Variants in SMAD6 observed in about 807,000 individuals in gnomAD.
SMAD6 encodes SMAD family member 6.
A neutral mutation model predicts 39.4 loss-of-function variants in SMAD6; 103 were observed. That is an observed-to-expected ratio of 2.62 (90% confidence interval 2.23 to 3.08). The LOEUF (loss-of-function observed/expected upper bound fraction) is 3.08, where lower values mean the gene tolerates loss of function less well. Ranked by LOEUF, SMAD6 falls within the 30% of genes most tolerant of loss-of-function variation. The probability of loss-of-function intolerance (pLI) is 0.00; values close to 1 mark genes in which losing one functional copy is unlikely to be tolerated. For synonymous variants in SMAD6, 445 were observed against 353.3 expected (o/e 1.26, Z -2.91); for missense variants, 1,104 against 742.9 (o/e 1.49, Z -5.65).
chr15:66,704,570 G>A (rs1183015695), intron 1 of SMAD6: 1 of 152,968 alleles, frequency 6.5e-6, no homozygotes, highest in Non-Finnish European at 1.5e-5. Context: ...AATCAAAAGT[G>A]TTCGTCAAAT....
At chr15:66,773,845 C>G (rs761389201) in intron 3 of SMAD6, among the ~76,000 whole-genome samples, 11 of 152,184 alleles carry the variant, frequency 7.2e-5, no homozygotes, top group Non-Finnish European at 1.5e-4. Context: ...CTTTGAATAT[C>G]TCTTCTTCGC....
At chr15:66,779,796 C>G (rs543585415) in intron 3 of SMAD6, among the ~76,000 whole-genome samples, 1 of 152,336 alleles carries the variant, frequency 6.6e-6, no homozygotes, top group Admixed American at 6.5e-5. Context: ...CTGCACAGGC[C>G]CAGGCCAGAG....
Position 66,702,933 on chromosome 15 carries a change from T to C in SMAD6, c.-326T>C, listed in dbSNP as rs1387384737. The C allele has an allele frequency of 4.2e-6, 1 of 235,410 alleles. No homozygotes were observed. Among genetic ancestry groups the C allele is most frequent in the Non-Finnish European group, 8.2e-6 (1 of 122,280 alleles). The allele number at this position is 235,410 out of a possible 1,614,324, so 14.6% of individuals were successfully genotyped here. On this transcript the variant is annotated 5_prime_UTR_variant, in exon 1 of 4. Transcript: ENST00000288840. ...GGCTCGCCGGCCCATGTGGGGTCTTTCTGGCGGCGCGCCGCCTGCAGCCCC... is the reference window on the plus strand; with the variant it reads ...GGCTCGCCGGCCCATGTGGGGTCTTCCTGGCGGCGCGCCGCCTGCAGCCCC...
At chr15:66,776,922 A>G (rs1174802457) in intron 3 of SMAD6, among the ~76,000 whole-genome samples, 1 of 152,094 alleles carries the variant, frequency 6.6e-6, no homozygotes, top group Admixed American at 6.5e-5. Context: ...CTCTAATGCC[A>G]ACTACTTGGG....
chr15:66,717,254 T>C, intron 3 of SMAD6: 3 of 642,288 alleles, frequency 4.7e-6, no homozygotes, highest in Non-Finnish European at 7.5e-6. Flanking sequence ...TGACAGCCCC[T>C]CAGGCTGGGG....
chr15:66,749,503 A>C (rs1205517592), intron 3 of SMAD6, among the ~76,000 whole-genome samples: 2 of 152,146 alleles, frequency 1.3e-5, no homozygotes, highest in African/African-American at 4.8e-5. Flanking sequence ...CGTGGCATGC[A>C]CCTACCCAGG....
At chr15:66,725,000 G>T (rs1474942534) in intron 3 of SMAD6, among the ~76,000 whole-genome samples, 8 of 152,160 alleles carry the variant, frequency 5.3e-5, no homozygotes. Flanking sequence ...CCATCTGCCT[G>T]CCGGGCTCTA....
intron 3 of SMAD6, among the ~76,000 whole-genome samples, chr15:66,780,430 C>T (rs932046585): frequency 2.0e-5 from 3 of 152,188 alleles, no homozygotes; most frequent in Non-Finnish European, 2.9e-5. Context: ...CCCCGCCATC[C>T]CCCAATAGCC....
intron 1 of SMAD6, among the ~76,000 whole-genome samples, chr15:66,710,518 A>AC (rs1318900675): frequency 1.3e-5 from 2 of 152,216 alleles, no homozygotes; most frequent in Non-Finnish European, 2.9e-5. Flanking sequence ...TGCTCCTGTA[A>AC]CTAATTGTGG....
intron 3 of SMAD6, among the ~76,000 whole-genome samples, chr15:66,767,536 C>T (rs1168741820): frequency 6.6e-6 from 1 of 152,240 alleles, no homozygotes; most frequent in Non-Finnish European, 1.5e-5. Flanking sequence ...GCAGCTTCAA[C>T]TTGCCTGCAC....
rs889743307 is a variant in SMAD6, at chr15:66,703,045, T to TGC, written c.-210_-209dup. Reference sequence around the variant, plus strand: ...GCCGCGCGCGGACTGCGGCTCGGCGTGCGCGTGTTCCCGGCCGTCCCGCCT... The same window carrying TGC: ...GCCGCGCGCGGACTGCGGCTCGGCGTGCGCGCGTGTTCCCGGCCGTCCCGCCT... On this transcript the variant is annotated 5_prime_UTR_variant, in exon 1 of 4. Coordinates refer to ENST00000288840, the MANE Select transcript of SMAD6 (RefSeq NM_005585.5). 3 of 398,080 alleles carry TGC rather than the reference T, an allele frequency of 7.5e-6. No homozygotes were observed. The highest frequency in any genetic ancestry group is 6.3e-5 in the African/African-American group (3 of 47,930). The allele number at this position is 398,080 out of a possible 1,614,324, so 24.7% of individuals were successfully genotyped here. A position where few individuals can be genotyped will look rare whatever the true frequency, so the allele number is the denominator to read the frequency against.
rs368321065 is a variant in SMAD6 at position 66,721,875 on chromosome 15, C to T, written c.952+5377C>T. On this transcript the variant is annotated intron_variant, in intron 3 of 3. Coordinates refer to ENST00000288840, the MANE Select transcript of SMAD6 (RefSeq NM_005585.5). ...AGGGATTAGTGATCAACTCTCAACT[C>T]TTGGCGTGGTAGGGAGGTAGCTGGG... Among the ~76,000 whole-genome samples the T allele has an allele frequency of 3.0e-4, 46 of 152,278 alleles. 1 individual carries two copies. The East Asian group carries it at 8.1e-3, about 27-fold the overall frequency.
In SMAD6 at chr15:66,760,038, C is replaced by T. The variant is rs557231429; in HGVS notation, c.953-20959C>T. On this transcript the variant is annotated intron_variant, in intron 3 of 3. Transcript: ENST00000288840. ...GACCTTTCTGGCCTTGTCTCCTGCC[C>T]GTGTGCCTCTGCCCATGCCGTTCCC... is the stretch of plus-strand genomic sequence containing the variant. Among the ~76,000 whole-genome samples, 21 of 152,290 alleles carry T rather than the reference C, an allele frequency of 1.4e-4. 1 individual carries two copies. The highest frequency in any genetic ancestry group is 4.3e-4 in the African/African-American group (18 of 41,558).
At position 66,747,698 on chromosome 15, in the gene SMAD6, G is replaced by A. The variant is rs938469256; in HGVS notation, c.952+31200G>A. 4.6e-5 allele frequency among the ~76,000 whole-genome samples: 7 copies of A among 152,212 alleles called. No homozygotes were observed. Among genetic ancestry groups the A allele is most frequent in the Admixed American group, 3.3e-4 (5 of 15,288 alleles). On this transcript the variant is annotated intron_variant, in intron 3 of 3. Coordinates refer to ENST00000288840, the MANE Select transcript of SMAD6 (RefSeq NM_005585.5). This position sits in a 1 kb window ranked among gnomAD's most constrained non-coding sequence, Gnocchi z 4.5. Reference sequence around the variant, plus strand: ...CTAGGATAATTGGAAAATGAGGAGTGTAAATTTGATAGAGGTTGAACGAAA... The same window carrying A: ...CTAGGATAATTGGAAAATGAGGAGTATAAATTTGATAGAGGTTGAACGAAA...
At chr15:66,771,992 T>C (rs551854800) in intron 3 of SMAD6, among the ~76,000 whole-genome samples, 1 of 152,052 alleles carries the variant, frequency 6.6e-6, no homozygotes, top group East Asian at 1.9e-4. Flanking sequence ...ACCGCCCTCC[T>C]AGGAAGATGG....
At chr15:66,775,921 T>C (rs1200543872) in intron 3 of SMAD6, among the ~76,000 whole-genome samples, 3 of 152,152 alleles carry the variant, frequency 2.0e-5, no homozygotes, top group Non-Finnish European at 1.5e-5. Flanking sequence ...GGGAGGGGGC[T>C]GTGCAGCTGT....
In SMAD6 at chr15:66,703,748, C is replaced by T. The variant is rs942270946; in HGVS notation, c.490C>T (p.Arg164Trp). ...CGGGCGGAGTCGCGAAGCGCGCTCG[C>T]GGCTGCTGCTGCTGGAGCAGGAACT... ...GGGRSREARS[R>W]LLLLEQELKT... Residue 164 changes from arginine to tryptophan, a missense_variant, in exon 1 of 4, where the codon CGG (arginine) becomes TGG (tryptophan). Coordinates refer to ENST00000288840, the MANE Select transcript of SMAD6 (RefSeq NM_005585.5). 7.2e-6 allele frequency: 10 copies of T among 1,390,486 alleles called. No individual in the cohort carries two copies. Among genetic ancestry groups the T allele is most frequent in the African/African-American group, 4.5e-5 (3 of 66,712 alleles). The allele number at this position is 1,390,486 out of a possible 1,614,324, so 86.1% of individuals were successfully genotyped here.
intron 3 of SMAD6, among the ~76,000 whole-genome samples, chr15:66,751,346 GC>G (rs1894003025): frequency 6.6e-6 from 1 of 152,188 alleles, no homozygotes. Context: ...CCAATTGTGA[GC>G]CTTGAATGGT....
At chr15:66,759,069 C>T (rs1894152722) in intron 3 of SMAD6, among the ~76,000 whole-genome samples, 2 of 152,286 alleles carry the variant, frequency 1.3e-5, no homozygotes, top group South Asian at 2.1e-4. Context: ...ATAGATAATA[C>T]ATAAAACAAT....
Sources: allele counts gnomAD v4.1 joint callset (sites outside exome capture counted in the v4.1 genomes callset), GRCh38; gene constraint gnomAD v4.1.1; non-coding constraint Gnocchi (gnomAD v3.1); transcripts MANE v1.5; gene names NCBI Gene and HGNC (gene_info 2026-07-23, HGNC 2026-07-21).